PRIM2: variants seen among roughly 807,000 people sequenced by gnomAD.
PRIM2 encodes DNA primase subunit 2.
In PRIM2, 39 loss-of-function variants were observed where a neutral mutation model predicts 67.3. The observed-to-expected ratio is 0.58, with a 90% CI of 0.45 to 0.76. The LOEUF (loss-of-function observed/expected upper bound fraction) is 0.76, where lower values mean the gene tolerates loss of function less well. PRIM2 is among the 30% of genes least tolerant of loss of function. The probability of loss-of-function intolerance (pLI) is 0.00; values close to 1 mark genes in which losing one functional copy is unlikely to be tolerated. For synonymous variants in PRIM2, 143 were observed against 198.7 expected, an observed-to-expected ratio of 0.72 and a Z score of 2.36; for missense variants, 398 against 598.7, an observed-to-expected ratio of 0.66 and a Z score of 3.50.
intron 10 of PRIM2, among the ~76,000 whole-genome samples, chr6:57,556,311 C>A (rs1775512407): frequency 6.6e-6 from 1 of 152,026 alleles, no homozygotes. Flanking sequence ...TCGTATGGAA[C>A]CAAAAAGGCC....
At chr6:57,632,774 G>T (rs1226623904) in intron 13 of PRIM2, among the ~76,000 whole-genome samples, 77 of 152,196 alleles carry the variant, frequency 5.1e-4, no homozygotes, top group Non-Finnish European at 1.0e-3. Flanking sequence ...CAGAAAATCT[G>T]ATCCTTGTAC....
At chr6:57,422,169 T>TTTTTTTTTTTTTTTTTTTTC (rs1771488658) in intron 7 of PRIM2, among the ~76,000 whole-genome samples, 1 of 145,108 alleles carries the variant, frequency 6.9e-6, no homozygotes, top group African/African-American at 2.5e-5. Flanking sequence ...TTTTTTTTTT[T>TTTTTTTTTTTTTTTTTTTTC]TTTGAGATGG....
intron 12 of PRIM2, among the ~76,000 whole-genome samples, chr6:57,619,779 AC>A (rs1350743721): frequency 1.3e-5 from 2 of 152,242 alleles, no homozygotes; most frequent in African/African-American, 4.8e-5. Flanking sequence ...ATGTTAAACT[AC>A]CAAACCTAAG....
At chr6:57,466,759 C>A (rs1450089485) in intron 7 of PRIM2, among the ~76,000 whole-genome samples, 1 of 152,168 alleles carries the variant, frequency 6.6e-6, no homozygotes, top group Non-Finnish European at 1.5e-5. Flanking sequence ...TTCTGTCATT[C>A]TGTAGGTTGC....
At chr6:57,629,573 G>A (rs1299318291) in intron 12 of PRIM2, among the ~76,000 whole-genome samples, 1 of 152,092 alleles carries the variant, frequency 6.6e-6, no homozygotes, top group East Asian at 1.9e-4. Flanking sequence ...CATTAAGTGG[G>A]AAATGCTCCT....
chr6:57,474,715 C>A (rs1175910905), intron 7 of PRIM2, among the ~76,000 whole-genome samples: 2 of 151,848 alleles, frequency 1.3e-5, no homozygotes, highest in African/African-American at 4.8e-5. Flanking sequence ...GAGGTGGGGG[C>A]CTTTAAGAGG....
intron 7 of PRIM2, among the ~76,000 whole-genome samples, chr6:57,415,248 C>T (rs1158864057): frequency 1.3e-5 from 2 of 152,160 alleles, no homozygotes; most frequent in Non-Finnish European, 2.9e-5. Flanking sequence ...CTTATTCAGT[C>T]ACCTTTTACT....
In PRIM2 at chr6:57,441,783, T is replaced by A. The variant is rs558466684; in HGVS notation, c.693+59615T>A. 2.5e-4 allele frequency among the ~76,000 whole-genome samples: 38 copies of A among 152,270 alleles called. No homozygotes were observed. In the East Asian group the frequency reaches 4.2e-3, roughly 17 times the overall value. On this transcript the variant is annotated intron_variant, in intron 7 of 13. Transcript: ENST00000615550. ...AGATATCTATTCCACCAGACAGAAA[T>A]TATTTGCATCTCAATTAGTTGGAAA...
intron 10 of PRIM2, among the ~76,000 whole-genome samples, chr6:57,597,368 G>T (rs1204208244): frequency 1.3e-5 from 2 of 150,748 alleles, no homozygotes; most frequent in Admixed American, 6.6e-5. Context: ...GAATAGTTTA[G>T]TGAGTCTTTT....
At chr6:57,242,238 C>G in the PRIM2 span, among the ~76,000 whole-genome samples, 632 of 151,974 alleles carry the variant, frequency 4.2e-3, 5 homozygotes, top group South Asian at 0.016. Context: ...ATAAAAATAC[C>G]TAAAAACTTC....
chr6:57,487,385 T>C (rs1773779169), intron 7 of PRIM2, among the ~76,000 whole-genome samples: 1 of 152,124 alleles, frequency 6.6e-6, no homozygotes, highest in Non-Finnish European at 1.5e-5. Context: ...CATGCCGCCA[T>C]GCCTGGCTAA....
intron 5 of PRIM2, among the ~76,000 whole-genome samples, chr6:57,371,142 T>TC (rs1769544254): frequency 6.6e-6 from 1 of 151,366 alleles, no homozygotes; most frequent in South Asian, 2.1e-4. Context: ...TTTTTTTTTT[T>TC]CAAAATTATA....
intron 12 of PRIM2, among the ~76,000 whole-genome samples, chr6:57,613,213 A>G (rs1445622368): frequency 6.6e-6 from 1 of 152,212 alleles, no homozygotes. Context: ...AAGTATAAAC[A>G]TATAATTTAG....
the PRIM2 span, among the ~76,000 whole-genome samples, chr6:57,293,191 T>G: frequency 6.6e-6 from 1 of 152,196 alleles, no homozygotes; most frequent in Admixed American, 6.5e-5. Context: ...GAACAGACAC[T>G]TCTCAAAAGA....
intron 7 of PRIM2, among the ~76,000 whole-genome samples, chr6:57,467,467 T>A (rs1773232222): frequency 3.3e-5 from 5 of 152,328 alleles, no homozygotes; most frequent in African/African-American, 1.2e-4. Context: ...AGGCCTCTGT[T>A]TTGTTCCATT....
the PRIM2 span, among the ~76,000 whole-genome samples, chr6:57,271,977 A>T: frequency 6.6e-6 from 1 of 152,204 alleles, no homozygotes; most frequent in Non-Finnish European, 1.5e-5. Context: ...GTTTGATTGC[A>T]CTGTGGTCTG....
At chr6:57,258,833 C>G in the PRIM2 span, among the ~76,000 whole-genome samples, 1 of 152,132 alleles carries the variant, frequency 6.6e-6, no homozygotes, top group Non-Finnish European at 1.5e-5. Context: ...CTCCTCCGCT[C>G]CCAGAACCTG....
At chr6:57,324,567 A>ATT (rs1324522523) in intron 4 of PRIM2, among the ~76,000 whole-genome samples, 2 of 152,200 alleles carry the variant, frequency 1.3e-5, no homozygotes, top group Non-Finnish European at 2.9e-5. Flanking sequence ...ATTGGGAAGA[A>ATT]GGACTTTTGA....
Position 57,324,247 on chromosome 6 carries a change from C to G in PRIM2, c.305C>G (p.Ser102Cys), listed in dbSNP as rs1308831323. The G allele has an allele frequency of 1.2e-6, 2 of 1,605,498 alleles. No individual in the cohort carries two copies. Among genetic ancestry groups the G allele is most frequent in the Non-Finnish European group, 1.7e-6 (2 of 1,174,700 alleles). Residue 102 changes from serine (S) to cysteine (C), a missense_variant, in exon 4 of 14, where the codon TCT (serine) becomes TGT (cysteine). Ser to Cys is a moderately radical substitution (Grantham distance 112). Around this residue, in one of 4 missense-constraint regions of PRIM2, gnomAD observed 229 missense variants for 383.6 expected, o/e 0.60. Transcript: ENST00000615550. ...GAACCACGAAGAAGAGATCATATTT[C>G]TCATTTTATTTTGCGGCTTGCTTAT... Reference protein sequence around the residue: ...EYEPRRRDHISHFILRLAYCQ... With the variant: ...EYEPRRRDHICHFILRLAYCQ...
Sources: gnomAD v4.1 joint callset for allele counts (sites outside exome capture counted in the v4.1 genomes callset) on GRCh38, gnomAD v4.1.1 for gene constraint, gnomAD v4.1.1 regional missense constraint, MANE v1.5 for transcripts, NCBI Gene and HGNC (gene_info 2026-07-23, HGNC 2026-07-21) for gene names.